Variants in PALMD observed in about 807,000 individuals in gnomAD.
PALMD encodes the protein paralemmin-like protein.
In PALMD, 42 loss-of-function variants were observed where a neutral mutation model predicts 56.2. The ratio of observed to expected loss-of-function variants is 0.75; its 90% CI spans 0.58 to 0.97. The LOEUF (loss-of-function observed/expected upper bound fraction) is 0.97. Among genes scored for constraint, PALMD ranks in the 50% least tolerant of loss-of-function variants. PALMD has a pLI of 0.00. For synonymous variants in PALMD, 242 were observed against 222.9 expected (o/e 1.09, Z -0.76); for missense variants, 660 against 643.8 (o/e 1.03, Z -0.27).
intron 2 of PALMD, among the ~76,000 whole-genome samples, chr1:99,667,405 A>G (rs1277758325): frequency 6.6e-6 from 1 of 152,152 alleles, no homozygotes; most frequent in Non-Finnish European, 1.5e-5. Flanking sequence ...GCCAAAGGAG[A>G]GACCCAAACT....
At position 99,662,325 on chromosome 1, in the gene PALMD, A is replaced by G. The variant is rs1296008466; in HGVS notation, c.52A>G (p.Arg18Gly). ...KGRLQAITDK[R>G]KIQEEISQKR... is the part of the protein sequence containing the mutation. ...TGGAACTTTTTTATTTCAGGATAAA[A>G]GAAAAATACAGGAAGAAATCTCACA... The change falls in exon 2 of 8, where the codon AGA becomes GGA. Residue 18 changes from arginine (R) to glycine (G), a missense_variant. Physicochemically the swap from Arg to Gly is moderately radical, Grantham distance 125. Coordinates refer to ENST00000263174, the MANE Select transcript of PALMD (RefSeq NM_017734.5). 6.5e-7 allele frequency: 1 copy of G among 1,530,240 alleles called. No individual in the cohort carries two copies. Among genetic ancestry groups the G allele is most frequent in the Non-Finnish European group, 9.0e-7 (1 of 1,112,068 alleles). The allele number at this position is 1,530,240 out of a possible 1,614,324, so 94.8% of individuals were successfully genotyped here.
In PALMD at chr1:99,658,499, C is replaced by T. The variant is rs1397300039; in HGVS notation, c.46-3820C>T. Among the ~76,000 whole-genome samples, 4 of 151,846 alleles carry T rather than the reference C, an allele frequency of 2.6e-5. No homozygotes were observed. In the East Asian group the frequency reaches 5.8e-4, roughly 22 times the overall value. On this transcript the variant is annotated intron_variant, in intron 1 of 7. Coordinates refer to ENST00000263174, the MANE Select transcript of PALMD (RefSeq NM_017734.5). The stretch of plus-strand genomic sequence containing the variant: ...AAAAATAAAAAATATAGGCCGGGCA[C>T]GGTGGCTCATGCCTGTAATCCCAGC...
At chr1:99,679,715 A>C (rs557429952) in intron 3 of PALMD, among the ~76,000 whole-genome samples, 1 of 152,292 alleles carries the variant, frequency 6.6e-6, no homozygotes, top group Non-Finnish European at 1.5e-5. Context: ...CCTAAGAATC[A>C]ATTTTTTTAA....
At position 99,646,381 on chromosome 1, in the gene PALMD, A is replaced by C; in HGVS notation, c.45+19A>C. ...CATCACAGTAAGTCTGCATACAGTTATAACTCATTAACGTTGTTACTTAGA... is the reference window on the plus strand; with the variant it reads ...CATCACAGTAAGTCTGCATACAGTTCTAACTCATTAACGTTGTTACTTAGA... On this transcript the variant is annotated intron_variant, in intron 1 of 7. Coordinates refer to ENST00000263174, the MANE Select transcript of PALMD (RefSeq NM_017734.5). 1 of 1,596,708 alleles carries C rather than the reference A, an allele frequency of 6.3e-7. No homozygotes were observed. The highest frequency in any genetic ancestry group is 2.2e-5 in the East Asian group (1 of 44,768).
chr1:99,676,454 T>C (rs1653215473), intron 3 of PALMD, among the ~76,000 whole-genome samples: 1 of 152,180 alleles, frequency 6.6e-6, no homozygotes, highest in Non-Finnish European at 1.5e-5. Flanking sequence ...ATACACTGAA[T>C]AGTGGTGAAG....
chr1:99,659,252 T>C (rs923799420), intron 1 of PALMD, among the ~76,000 whole-genome samples: 1 of 152,236 alleles, frequency 6.6e-6, no homozygotes, highest in African/African-American at 2.4e-5. Context: ...ACAATAACTA[T>C]AGTTGTACAA....
At position 99,680,614 on chromosome 1, in the gene PALMD, T is replaced by A. The variant is rs112560383; in HGVS notation, c.252-6062T>A. On this transcript the variant is annotated intron_variant, in intron 3 of 7. Coordinates refer to ENST00000263174, the MANE Select transcript of PALMD (RefSeq NM_017734.5). The stretch of plus-strand genomic sequence containing the variant: ...AATTCCCATTCTGAAAGGTAATACC[T>A]TCTAAAGATGGGGACGGCAGCACTT... 5.9e-3 allele frequency among the ~76,000 whole-genome samples: 891 copies of A among 152,232 alleles called. 9 individuals are homozygous for A. The highest frequency in any genetic ancestry group is 0.021 in the African/African-American group (857 of 41,538).
At chr1:99,660,188 T>G (rs1652816454) in intron 1 of PALMD, among the ~76,000 whole-genome samples, 2 of 152,216 alleles carry the variant, frequency 1.3e-5, no homozygotes, top group African/African-American at 4.8e-5. Flanking sequence ...GTCCTAGTGC[T>G]GCCTCCTGGC....
chr1:99,646,845 C>A (rs1200338280), intron 1 of PALMD, among the ~76,000 whole-genome samples: 1 of 151,918 alleles, frequency 6.6e-6, no homozygotes, highest in African/African-American at 2.4e-5. Context: ...TTCCAGAAAG[C>A]CTAAAATAAT....
At chr1:99,674,086 T>C (rs1653150576) in intron 3 of PALMD, among the ~76,000 whole-genome samples, 1 of 152,184 alleles carries the variant, frequency 6.6e-6, no homozygotes, top group Non-Finnish European at 1.5e-5. Flanking sequence ...TAAACAATTA[T>C]CAATGGCATG....
intron 1 of PALMD, among the ~76,000 whole-genome samples, chr1:99,649,789 T>C (rs1354944493): frequency 6.6e-6 from 1 of 152,206 alleles, no homozygotes; most frequent in Non-Finnish European, 1.5e-5. Context: ...TCAGTTCTAT[T>C]TGAAGGATGA....
chr1:99,682,677 G>T (rs1365385763), intron 3 of PALMD, among the ~76,000 whole-genome samples: 2 of 151,888 alleles, frequency 1.3e-5, no homozygotes, highest in African/African-American at 4.8e-5. Flanking sequence ...CAGGAGCTTT[G>T]TCTCTATGCC....
At chr1:99,678,890 CCAAGG>C (rs1653276828) in intron 3 of PALMD, among the ~76,000 whole-genome samples, 1 of 151,740 alleles carries the variant, frequency 6.6e-6, no homozygotes, top group Non-Finnish European at 1.5e-5. Flanking sequence ...TTTAGGGAGG[CCAAGG>C]CAAGGCGGGA....
At position 99,686,936 on chromosome 1, in the gene PALMD, A is replaced by G. The variant is rs1480423737; in HGVS notation, c.373A>G (p.Lys125Glu). Reference sequence around the variant, plus strand: ...GAATTCTTTTTTCTTACAGTCTGTGAAAGTGGAAAGAGAAGAAAGAGCAGA... The same window carrying G: ...GAATTCTTTTTTCTTACAGTCTGTGGAAGTGGAAAGAGAAGAAAGAGCAGA... ...RTTEDIIRSV[K>E]VEREERAEES... is the part of the protein sequence containing the mutation. The change falls in exon 5 of 8, where the codon AAA (lysine) becomes GAA (glutamate). Residue 125 changes from lysine to glutamate, a missense_variant. Physicochemically the swap from Lys to Glu is moderately conservative, Grantham distance 56. Transcript: ENST00000263174. 3.2e-6 allele frequency: 5 copies of G among 1,576,544 alleles called. No homozygotes were observed. The highest frequency in any genetic ancestry group is 1.1e-5 in the South Asian group (1 of 88,268).
chr1:99,653,863 T>G (rs1652652348), intron 1 of PALMD, among the ~76,000 whole-genome samples: 1 of 152,108 alleles, frequency 6.6e-6, no homozygotes, highest in South Asian at 2.1e-4. Context: ...AGCTATACAG[T>G]TTTGTTTTCT....
rs573953943 is a variant in PALMD, at chr1:99,657,030, T to C, written c.46-5289T>C. 1.6e-3 allele frequency among the ~76,000 whole-genome samples: 243 copies of C among 152,296 alleles called. 1 individual carries two copies. The highest frequency in any genetic ancestry group is 5.6e-3 in the African/African-American group (231 of 41,572). On this transcript the variant is annotated intron_variant, in intron 1 of 7. Coordinates refer to ENST00000263174, the MANE Select transcript of PALMD (RefSeq NM_017734.5). The stretch of plus-strand genomic sequence containing the variant: ...CAAATAATATCAGACTGATCCAAAA[T>C]AAACTTCCATGTGGGTTCCCCTTCT...
At chr1:99,658,076 G>A (rs186861484) in intron 1 of PALMD, among the ~76,000 whole-genome samples, 4 of 152,192 alleles carry the variant, frequency 2.6e-5, no homozygotes, top group Admixed American at 6.5e-5. Context: ...CAAGGCGAGC[G>A]GATCACTTGA....
chr1:99,663,700 T>C (rs1652903927), intron 2 of PALMD, among the ~76,000 whole-genome samples: 1 of 152,104 alleles, frequency 6.6e-6, no homozygotes, highest in South Asian at 2.1e-4. Flanking sequence ...GAATGGGCAA[T>C]TGTTATCCTT....
intron 1 of PALMD, among the ~76,000 whole-genome samples, chr1:99,651,141 T>C (rs1427227107): frequency 6.6e-6 from 1 of 151,420 alleles, no homozygotes; most frequent in Non-Finnish European, 1.5e-5. Context: ...TATTCAACAA[T>C]GAAACCTCAG....
Sources: allele counts gnomAD v4.1 joint callset (sites outside exome capture counted in the v4.1 genomes callset), GRCh38; gene constraint gnomAD v4.1.1; transcripts MANE v1.5; gene names NCBI Gene and HGNC (gene_info 2026-07-23, HGNC 2026-07-21).